MFSD6: variants seen among roughly 807,000 people sequenced by gnomAD.
MFSD6 encodes the protein major facilitator superfamily domain-containing protein 6.
In MFSD6, 26 loss-of-function variants were observed where a neutral mutation model predicts 56.3. That is an observed-to-expected ratio of 0.46 (90% confidence interval 0.34 to 0.64). MFSD6 has a LOEUF of 0.64. Ranked by LOEUF, MFSD6 falls within the 30% of genes least tolerant of loss-of-function variation. The probability of loss-of-function intolerance (pLI) is 0.01; values close to 1 mark genes in which losing one functional copy is unlikely to be tolerated. For missense variants in MFSD6, 750 were observed against 986.2 expected, an observed-to-expected ratio of 0.76 and a Z score of 3.21; for synonymous variants, 331 against 366.9, an observed-to-expected ratio of 0.90 and a Z score of 1.12.
rs1687894069 is a variant in MFSD6 at position 190,471,072 on chromosome 2, A to G, written c.1630+1217A>G. On this transcript the variant is annotated intron_variant, in intron 4 of 7. Coordinates refer to ENST00000392328, the MANE Select transcript of MFSD6 (RefSeq NM_017694.4). This position sits in a 1 kb window ranked among gnomAD's most constrained non-coding sequence, Gnocchi z 4.7. Reference sequence around the variant, plus strand: ...CTGGAAGGGTCTTGAGGGGAGGCACACATCTCAGTTTTGTGTCATTTAAGA... The same window carrying G: ...CTGGAAGGGTCTTGAGGGGAGGCACGCATCTCAGTTTTGTGTCATTTAAGA... 6.6e-6 allele frequency among the ~76,000 whole-genome samples: 1 copy of G among 152,204 alleles called. No individual in the cohort carries two copies. The highest frequency in any genetic ancestry group is 1.5e-5 in the Non-Finnish European group (1 of 68,034).
chr2:190,482,939 C>A (rs1176205255), intron 4 of MFSD6, among the ~76,000 whole-genome samples: 2 of 124,300 alleles, frequency 1.6e-5, no homozygotes, highest in East Asian at 5.3e-4. Flanking sequence ...GGCCGGACTG[C>A]GGACTGCAGT....
rs1686462067 is a variant in MFSD6, at chr2:190,443,545, T to G, written c.1532+5984T>G. Among the ~76,000 whole-genome samples, 1 of 152,208 alleles carries G rather than the reference T, an allele frequency of 6.6e-6. No homozygotes were observed. Among genetic ancestry groups the G allele is most frequent in the African/African-American group, 2.4e-5 (1 of 41,450 alleles). On this transcript the variant is annotated intron_variant, in intron 3 of 7. Transcript: ENST00000392328. This position sits in a 1 kb window ranked among gnomAD's most constrained non-coding sequence, Gnocchi z 4.2. ...AGTTGACAGTACAATATCAGAAGTG[T>G]ACAGATGATTAAACCTGCAAAGTCA... is the stretch of plus-strand genomic sequence containing the variant.
chr2:190,474,170 GC>G, intron 4 of MFSD6, among the ~76,000 whole-genome samples: 1 of 140,800 alleles, frequency 7.1e-6, no homozygotes, highest in Admixed American at 6.9e-5. Context: ...AGAAGCAAGA[GC>G]AAACACATTC....
At chr2:190,429,139 C>T (rs1685878158) in intron 2 of MFSD6, among the ~76,000 whole-genome samples, 1 of 151,646 alleles carries the variant, frequency 6.6e-6, no homozygotes, top group African/African-American at 2.4e-5. Context: ...CTTATTTTTC[C>T]TATTGGGTTA....
chr2:190,414,769 G>A (rs1690707283), intron 1 of MFSD6, among the ~76,000 whole-genome samples: 1 of 152,028 alleles, frequency 6.6e-6, no homozygotes, highest in South Asian at 2.1e-4. Flanking sequence ...TAAAAATCCA[G>A]CCAAGTATAA....
rs992144328 is a variant in MFSD6 at position 190,485,980 on chromosome 2, T to C, written c.1631-2677T>C. Among the ~76,000 whole-genome samples, 3 of 152,238 alleles carry C rather than the reference T, an allele frequency of 2.0e-5. No homozygotes were observed. The highest frequency in any genetic ancestry group is 4.4e-5 in the Non-Finnish European group (3 of 68,038). ...ATCATCCCTGATAATTTTTTTATTA[T>C]GCCAGATATTGTGAATGGTACCTGG... On this transcript the variant is annotated intron_variant, in intron 4 of 7. Coordinates refer to ENST00000392328, the MANE Select transcript of MFSD6 (RefSeq NM_017694.4). The surrounding 1 kb of genome is among the most constrained non-coding windows in gnomAD (Gnocchi z 5.1).
intron 3 of MFSD6, among the ~76,000 whole-genome samples, chr2:190,445,349 A>C (rs1686535955): frequency 6.6e-6 from 1 of 151,956 alleles, no homozygotes; most frequent in African/African-American, 2.4e-5. Context: ...AACTCATCAG[A>C]GTATTTAAGA....
In MFSD6 at chr2:190,457,247, C is replaced by T. The variant is rs746811880; in HGVS notation, c.1533-12511C>T. On this transcript the variant is annotated intron_variant, in intron 3 of 7. Transcript: ENST00000392328. The surrounding 1 kb of genome is among the most constrained non-coding windows in gnomAD (Gnocchi z 5.1). ...TTCCACTGGCCAACCGACTTTGTGG[C>T]CCCGGTCCACCCCTGTGGCCCTCTC... Among the ~76,000 whole-genome samples the T allele has an allele frequency of 6.6e-6, 1 of 152,176 alleles. No homozygotes were observed. The highest frequency in any genetic ancestry group is 1.5e-5 in the Non-Finnish European group (1 of 68,026).
In MFSD6 at chr2:190,471,005, G is replaced by T. The variant is rs553067035; in HGVS notation, c.1630+1150G>T. Among the ~76,000 whole-genome samples the T allele has an allele frequency of 1.7e-4, 26 of 152,060 alleles. No homozygotes were observed. The highest frequency in any genetic ancestry group is 3.2e-4 in the Non-Finnish European group (22 of 68,004). The stretch of plus-strand genomic sequence containing the variant: ...CAAATATATAGAAAATGGAAACTTG[G>T]TCTTTAATAATAAGAAATTATTGTT... On this transcript the variant is annotated intron_variant, in intron 4 of 7. Transcript: ENST00000392328. This position sits in a 1 kb window ranked among gnomAD's most constrained non-coding sequence, Gnocchi z 4.7.
rs536525543 is a variant in MFSD6 at position 190,481,855 on chromosome 2, T to G, written c.1631-6802T>G. Among the ~76,000 whole-genome samples the G allele has an allele frequency of 1.1e-4, 17 of 152,348 alleles. 1 individual carries two copies. In the South Asian group the frequency reaches 3.3e-3, roughly 30 times the overall value. On this transcript the variant is annotated intron_variant, in intron 4 of 7. Transcript: ENST00000392328. ...ATGCTGCTGCTGCTGCTAAGTCCAT[T>G]GCTCTTTGTAGGATCCTCCGCCATT...
At chr2:190,419,922 T>G (rs1398844876) in intron 2 of MFSD6, among the ~76,000 whole-genome samples, 1 of 152,220 alleles carries the variant, frequency 6.6e-6, no homozygotes, top group Non-Finnish European at 1.5e-5. Flanking sequence ...AGACTTCTGC[T>G]TTCCTAAAAA....
intron 3 of MFSD6, chr2:190,442,473 C>T (rs1686416054): frequency 6.6e-6 from 1 of 152,010 alleles, no homozygotes; most frequent in Non-Finnish European, 1.5e-5. Flanking sequence ...ATGTTCCTCC[C>T]TGCTTTGAAT....
At position 190,471,968 on chromosome 2, in the gene MFSD6, C is replaced by T. The variant is rs1687966611; in HGVS notation, c.1630+2113C>T. 6.6e-6 allele frequency among the ~76,000 whole-genome samples: 1 copy of T among 152,134 alleles called. No homozygotes were observed. Among genetic ancestry groups the T allele is most frequent in the South Asian group, 2.1e-4 (1 of 4,830 alleles). ...GTTCTGCAGCTTTCACTGCTGATAC[C>T]CAGGCAAACAGGGTCTGGAGTGGAC... On this transcript the variant is annotated intron_variant, in intron 4 of 7. Coordinates refer to ENST00000392328, the MANE Select transcript of MFSD6 (RefSeq NM_017694.4). This position sits in a 1 kb window ranked among gnomAD's most constrained non-coding sequence, Gnocchi z 4.7.
At chr2:190,432,824 C>A (rs1686051774) in intron 2 of MFSD6, among the ~76,000 whole-genome samples, 1 of 151,460 alleles carries the variant, frequency 6.6e-6, no homozygotes, top group Non-Finnish European at 1.5e-5. Flanking sequence ...CCACCCCCGC[C>A]CCCCAACACA....
In MFSD6 at chr2:190,419,271, C is replaced by A. The variant is rs560591632; in HGVS notation, c.-54+3858C>A. ...GTGTGAATACCTAGATTCTAACGCT[C>A]TTTTACAGTAGTTTCCCTGTGTCTA... On this transcript the variant is annotated intron_variant, in intron 2 of 7. Coordinates refer to ENST00000392328, the MANE Select transcript of MFSD6 (RefSeq NM_017694.4). Among the ~76,000 whole-genome samples the A allele has an allele frequency of 7.3e-4, 111 of 152,330 alleles. 5 individuals carry two copies. In the South Asian group the frequency reaches 0.021, roughly 28 times the overall value.
chr2:190,434,207 AAAG>A lies in MFSD6; in HGVS notation c.-53-1766_-53-1764del, dbSNP rs1559109003. On this transcript the variant is annotated intron_variant, in intron 2 of 7. Coordinates refer to ENST00000392328, the MANE Select transcript of MFSD6 (RefSeq NM_017694.4). The surrounding 1 kb of genome is among the most constrained non-coding windows in gnomAD (Gnocchi z 4.3). ...CAAAAAAAAAAAAAGAAAAAAAAGA[AAAG>A]AAGGTGAAAGGAATTAACACATATT... Among the ~76,000 whole-genome samples, 1 of 151,882 alleles carries A rather than the reference AAAG, an allele frequency of 6.6e-6. No individual in the cohort carries two copies. The highest frequency in any genetic ancestry group is 1.5e-5 in the Non-Finnish European group (1 of 67,970).
In MFSD6 at chr2:190,418,758, A is replaced by AAC. The variant is rs1553516573; in HGVS notation, c.-54+3346_-54+3347insCA. Among the ~76,000 whole-genome samples the AAC allele has an allele frequency of 1.3e-5, 2 of 152,202 alleles. No individual in the cohort carries two copies. The highest frequency in any genetic ancestry group is 2.9e-5 in the Non-Finnish European group (2 of 68,032). ...GGTGGCAGAAGGAGCCCCTATCTAA[A>AAC]AAAACAAAACAAAACAAAAGAATGA... On this transcript the variant is annotated intron_variant, in intron 2 of 7. Coordinates refer to ENST00000392328, the MANE Select transcript of MFSD6 (RefSeq NM_017694.4). The surrounding 1 kb of genome is among the most constrained non-coding windows in gnomAD (Gnocchi z 4.1).
rs1689374811 is a variant in MFSD6 at position 190,491,812 on chromosome 2, C to CGAAGAAGCAGAAGAAAGAACT, written c.1891+1946_1891+1947insGAAGAAGCAGAAGAAAGAACT. Among the ~76,000 whole-genome samples, 1 of 152,168 alleles carries CGAAGAAGCAGAAGAAAGAACT rather than the reference C, an allele frequency of 6.6e-6. No individual in the cohort carries two copies. Among genetic ancestry groups the CGAAGAAGCAGAAGAAAGAACT allele is most frequent in the African/African-American group, 2.4e-5 (1 of 41,446 alleles). On this transcript the variant is annotated intron_variant, in intron 6 of 7. Coordinates refer to ENST00000392328, the MANE Select transcript of MFSD6 (RefSeq NM_017694.4). The surrounding 1 kb of genome is among the most constrained non-coding windows in gnomAD (Gnocchi z 4.2). ...CAATAGATCCAAACCAAGAAGAAATCTCTGACTTCCCTGAAAAAGAATTCA... is the reference window on the plus strand; with the variant it reads ...CAATAGATCCAAACCAAGAAGAAATCGAAGAAGCAGAAGAAAGAACTTCTGACTTCCCTGAAAAAGAATTCA...
chr2:190,446,682 G>T (rs1385765949), intron 3 of MFSD6, among the ~76,000 whole-genome samples: 1 of 152,200 alleles, frequency 6.6e-6, no homozygotes, highest in African/African-American at 2.4e-5. Context: ...GTTGGCCAGA[G>T]ATAGGGAATC....
Sources: gnomAD v4.1 joint callset for allele counts (sites outside exome capture counted in the v4.1 genomes callset) on GRCh38, gnomAD v4.1.1 for gene constraint, Gnocchi (gnomAD v3.1) non-coding constraint, MANE v1.5 for transcripts, NCBI Gene and HGNC (gene_info 2026-07-23, HGNC 2026-07-21) for gene names.